CRY2: variants seen among roughly 807,000 people sequenced by gnomAD.
The protein encoded by CRY2 is cryptochrome-2.
Under a neutral mutation model 69.5 loss-of-function variants are expected in CRY2, and 31 were observed. The ratio of observed to expected loss-of-function variants is 0.45; its 90% CI spans 0.34 to 0.60. The LOEUF is 0.60. Ranked by LOEUF, CRY2 falls within the 20% of genes least tolerant of loss-of-function variation. CRY2 has a pLI of 0.02. For synonymous variants in CRY2, 303 were observed against 312.2 expected (o/e 0.97, Z 0.31); for missense variants, 606 against 797.8 (o/e 0.76, Z 2.90).
At chr11:45,853,072 T>C (rs1189942393) in intron 1 of CRY2, among the ~76,000 whole-genome samples, 1 of 152,236 alleles carries the variant, frequency 6.6e-6, no homozygotes, top group Non-Finnish European at 1.5e-5. Context: ...AAAACGAACA[T>C]GTCAAGCCTG....
At chr11:45,877,458 C>T (rs912187429) in intron 11 of CRY2, among the ~76,000 whole-genome samples, 1 of 152,214 alleles carries the variant, frequency 6.6e-6, no homozygotes, top group African/African-American at 2.4e-5. Context: ...GACGGGCAGA[C>T]TTATACACTT....
chr11:45,863,537 A>C (rs2134638597), intron 5 of CRY2, among the ~76,000 whole-genome samples: 1 of 151,610 alleles, frequency 6.6e-6, no homozygotes, highest in African/African-American at 2.4e-5. Flanking sequence ...CAGGAGTTGA[A>C]CCTGATTTCA....
chr11:45,860,913 G>T lies in CRY2; in HGVS notation c.533G>T (p.Arg178Leu), dbSNP rs144003583. 5 of 1,614,122 alleles carry T rather than the reference G, an allele frequency of 3.1e-6. No homozygotes were observed. Among genetic ancestry groups the T allele is most frequent in the African/African-American group, 2.7e-5 (2 of 75,044 alleles). ...AAGCGCTTTCAGGCCATCATCAGCC[G>T]CATGGAGCTGCCCAAGAAGCCAGTG... ...TYKRFQAIIS[R>L]MELPKKPVGL... Residue 178 changes from arginine to leucine, a missense_variant, in exon 4 of 12, where the codon CGC (arginine) becomes CTC (leucine). Arg to Leu is a moderately radical substitution (Grantham distance 102, BLOSUM62 -2). Transcript: ENST00000616080.
intron 3 of CRY2, among the ~76,000 whole-genome samples, chr11:45,860,376 A>G (rs1397937625): frequency 8.0e-6 from 1 of 124,708 alleles, no homozygotes; most frequent in Non-Finnish European, 1.7e-5. Context: ...ATTCCTTATG[A>G]TGTTAGAGTT....
At chr11:45,867,866 G>A in intron 6 of CRY2, 114 bp downstream of exon 6, 2 of 1,386,692 alleles carry the variant, frequency 1.4e-6, no homozygotes, top group East Asian at 2.3e-5. Context: ...ATGGCCCCTG[G>A]AAGGGCCTAA....
rs1230260647 is a variant in CRY2 at position 45,847,740 on chromosome 11, G to T, written c.215+35G>T. On this transcript the variant is annotated intron_variant, in intron 1 of 11. Transcript: ENST00000616080. ...CCCGGGGCTGGGTGGCGGGGACGCA[G>T]CCAGGACCCTGACCCTGGGGTGACC... 2.0e-6 allele frequency: 3 copies of T among 1,519,856 alleles called. No individual in the cohort carries two copies. The Admixed American group carries it at 6.0e-5, about 31-fold the overall frequency. The allele number at this position is 1,519,856 out of a possible 1,614,324, so 94.1% of individuals were successfully genotyped here. A position where few individuals can be genotyped will look rare whatever the true frequency, so the allele number is the denominator to read the frequency against.
chr11:45,864,019 A>C (rs1231996648), intron 5 of CRY2, among the ~76,000 whole-genome samples: 1 of 152,208 alleles, frequency 6.6e-6, no homozygotes, highest in African/African-American at 2.4e-5. Flanking sequence ...TGTAACCCTC[A>C]ATAATGATGC....
intron 5 of CRY2, among the ~76,000 whole-genome samples, chr11:45,864,004 C>G (rs550921180): frequency 4.2e-4 from 64 of 152,278 alleles, no homozygotes; most frequent in Non-Finnish European, 7.2e-4. Context: ...TGAATACCAC[C>G]ATTTTGTAAC....
Position 45,856,066 on chromosome 11 carries a change from C to G in CRY2, c.300C>G (p.Ala100=), listed in dbSNP as rs781506593. The G allele has an allele frequency of 2.6e-5, 42 of 1,613,996 alleles. No homozygotes were observed. The highest frequency in any genetic ancestry group is 8.5e-7 in the Non-Finnish European group (1 of 1,180,012). Residue 100 remains alanine, a synonymous_variant, in exon 2 of 12, where the codon GCC becomes GCG. Coordinates refer to ENST00000616080, the MANE Select transcript of CRY2 (RefSeq NM_021117.5). ...SRLFVVRGQP[A]DVFPRLFKEW... ...TGTTTGTAGTCCGGGGACAGCCAGCCGACGTGTTCCCAAGGCTGTTCAAGG... is the reference window on the plus strand; with the variant it reads ...TGTTTGTAGTCCGGGGACAGCCAGCGGACGTGTTCCCAAGGCTGTTCAAGG...
intron 11 of CRY2, among the ~76,000 whole-genome samples, chr11:45,878,920 TAAAAAAA>T (rs57461093): frequency 1.9e-3 from 95 of 49,368 alleles, no homozygotes; most frequent in African/African-American, 8.3e-3. Context: ...CTCCATCTAT[TAAAAAAA>T]AAAAAAAAAA....
chr11:45,866,767 G>A (rs2134641456), intron 5 of CRY2, among the ~76,000 whole-genome samples: 1 of 152,204 alleles, frequency 6.6e-6, no homozygotes, highest in Middle Eastern at 3.4e-3. Flanking sequence ...TGGAGAGGAG[G>A]AGAGGATGTT....
chr11:45,871,343 C>T (rs2086380479), intron 10 of CRY2, among the ~76,000 whole-genome samples: 2 of 152,146 alleles, frequency 1.3e-5, no homozygotes, highest in Non-Finnish European at 2.9e-5. Flanking sequence ...GTCAGTGTAG[C>T]GGCATGTCCC....
Position 45,870,488 on chromosome 11 carries a change from G to T in CRY2, c.1505G>T (p.Arg502Leu). ...GAGACCAGCCGGCTTAACATTGAAC[G>T]AATGAAGCAGATTTACCAGCAGCTT... Reference protein sequence around the residue: ...HAETSRLNIERMKQIYQQLSR... With the variant: ...HAETSRLNIELMKQIYQQLSR... The change falls in exon 9 of 12, where the codon CGA (arginine) becomes CTA (leucine). Residue 502 changes from arginine (R) to leucine (L), a missense_variant. By Grantham distance (102) the Arg-to-Leu change is moderately radical. This residue lies in a region of CRY2 where 173 missense variants were observed against 213.7 expected (regional missense o/e 0.81). Transcript: ENST00000616080. The T allele has an allele frequency of 6.2e-7, 1 of 1,614,186 alleles. No homozygotes were observed. The highest frequency in any genetic ancestry group is 2.2e-5 in the East Asian group (1 of 44,882).
intron 10 of CRY2, 37 bp downstream of exon 10, chr11:45,870,971 G>A: frequency 1.3e-6 from 2 of 1,553,720 alleles, no homozygotes; most frequent in Non-Finnish European, 1.8e-6. Flanking sequence ...GGCCTCCTGT[G>A]GCCTGTGCCA....
chr11:45,857,234 C>T (rs554893248), intron 2 of CRY2, among the ~76,000 whole-genome samples: 72 of 152,280 alleles, frequency 4.7e-4, no homozygotes, highest in African/African-American at 1.7e-3. Flanking sequence ...GTTCCCAGTG[C>T]TTGTTTACAT....
intron 11 of CRY2, among the ~76,000 whole-genome samples, chr11:45,874,688 T>G (rs1268535289): frequency 6.6e-6 from 1 of 152,230 alleles, no homozygotes; most frequent in African/African-American, 2.4e-5. Flanking sequence ...CTCACACTTG[T>G]AATCCCAGCA....
intron 2 of CRY2, among the ~76,000 whole-genome samples, chr11:45,856,534 C>T (rs947170457): frequency 5.3e-5 from 8 of 152,236 alleles, no homozygotes; most frequent in Non-Finnish European, 7.3e-5. Context: ...AGGTGGCTCA[C>T]GCCTGTAATC....
chr11:45,859,832 C>A (rs1414076407), intron 3 of CRY2, among the ~76,000 whole-genome samples: 2 of 151,930 alleles, frequency 1.3e-5, no homozygotes, highest in South Asian at 2.1e-4. Context: ...CTCCCCACCC[C>A]CACTTCCCAA....
Position 45,861,022 on chromosome 11 carries a change from G to A in CRY2, c.642G>A (p.Leu214=), listed in dbSNP as rs2086284054. Reference sequence around the variant, plus strand: ...ACGAGACCTACGGCGTGCCCTCCCTGGAGGAGCTGGGTGCGTACTTCCTGC... The same window carrying A: ...ACGAGACCTACGGCGTGCCCTCCCTAGAGGAGCTGGGTGCGTACTTCCTGC... ...NHDETYGVPS[L]EELGFPTEGL... Residue 214 remains leucine, a synonymous_variant, in exon 4 of 12, where the codon CTG becomes CTA. Coordinates refer to ENST00000616080, the MANE Select transcript of CRY2 (RefSeq NM_021117.5). 6.2e-7 allele frequency: 1 copy of A among 1,612,186 alleles called. No homozygotes were observed. The highest frequency in any genetic ancestry group is 1.1e-5 in the South Asian group (1 of 91,046).
Sources: allele counts gnomAD v4.1 joint callset (sites outside exome capture counted in the v4.1 genomes callset), GRCh38; gene constraint gnomAD v4.1.1; regional missense constraint gnomAD v4.1.1; transcripts MANE v1.5; gene names NCBI Gene and HGNC (gene_info 2026-07-23, HGNC 2026-07-21).